The following SMOC1 variants were observed in gnomAD, a reference collection of about 807,000 sequenced individuals.
SMOC1 encodes the protein SPARC related modular calcium binding 1, also known as SPARC-related modular calcium-binding protein 1.
In SMOC1, 22 loss-of-function variants were observed where a neutral mutation model predicts 56.3. The observed-to-expected ratio is 0.39, with a 90% CI of 0.28 to 0.56. SMOC1 has a LOEUF of 0.56. Ranked by LOEUF, SMOC1 falls within the 20% of genes least tolerant of loss-of-function variation. The pLI is 0.61. For missense variants in SMOC1, 509 were observed against 565.4 expected (o/e 0.90, Z 1.01); for synonymous variants, 193 against 215.0 (o/e 0.90, Z 0.89).
chr14:70,029,235 C>T (rs1020762357), intron 11 of SMOC1, among the ~76,000 whole-genome samples: 1 of 152,230 alleles, frequency 6.6e-6, no homozygotes, highest in Non-Finnish European at 1.5e-5. Context: ...AATGGCTCAG[C>T]ACCCTGTGGG....
At chr14:69,999,472 G>A (rs971074454) in intron 7 of SMOC1, among the ~76,000 whole-genome samples, 14 of 152,348 alleles carry the variant, frequency 9.2e-5, no homozygotes, top group South Asian at 2.1e-4. Flanking sequence ...CGCACATGAC[G>A]TGATTGGGAG....
intron 7 of SMOC1, among the ~76,000 whole-genome samples, chr14:69,996,355 A>T (rs918939036): frequency 2.6e-5 from 4 of 152,218 alleles, no homozygotes; most frequent in Admixed American, 2.0e-4. Flanking sequence ...CATCTTGCAG[A>T]TGAAGAGTCA....
intron 1 of SMOC1, among the ~76,000 whole-genome samples, chr14:69,895,772 G>A (rs914593967): frequency 2.0e-5 from 3 of 151,952 alleles, no homozygotes; most frequent in Non-Finnish European, 4.4e-5. Flanking sequence ...CCCCCATCAA[G>A]GTAGAGCCTT....
intron 10 of SMOC1, among the ~76,000 whole-genome samples, chr14:70,015,032 C>G (rs1308812964): frequency 6.6e-6 from 1 of 152,078 alleles, no homozygotes; most frequent in Non-Finnish European, 1.5e-5. Context: ...AGTGAGTGCA[C>G]ACAATAGCCA....
Position 70,023,292 on chromosome 14 carries a change from T to C in SMOC1, c.1136T>C (p.Ile379Thr). 1.9e-6 allele frequency: 3 copies of C among 1,614,076 alleles called. No individual in the cohort carries two copies. The South Asian group carries it at 3.3e-5, about 18-fold the overall frequency. The change falls in exon 11 of 12, where the codon ATT becomes ACT. Residue 379 changes from isoleucine to threonine, a missense_variant. By Grantham distance (89) the Ile-to-Thr change is moderately conservative. Around this residue, in one of 3 missense-constraint regions of SMOC1, gnomAD observed 176 missense variants for 188.1 expected, o/e 0.94. Coordinates refer to ENST00000361956, the MANE Select transcript of SMOC1 (RefSeq NM_001034852.3). Reference protein sequence around the residue: ...SQLDSNSSNDINKREMKPFKR... With the variant: ...SQLDSNSSNDTNKREMKPFKR... ...CTGGACAGCAATAGCAGCAACGACATTAACAAGCGGGAGATGAAGCCCTTC... is the reference window on the plus strand; with the variant it reads ...CTGGACAGCAATAGCAGCAACGACACTAACAAGCGGGAGATGAAGCCCTTC...
chr14:69,943,684 C>T (rs113062456), intron 1 of SMOC1, among the ~76,000 whole-genome samples: 3 of 148,406 alleles, frequency 2.0e-5, no homozygotes, highest in Middle Eastern at 3.5e-3. Context: ...TTTCCCCCCC[C>T]TTTCAATAGC....
In SMOC1 at chr14:70,030,249, C is replaced by A; in HGVS notation, c.1299C>A (p.Arg433=). ...GCLGVSKEVG[R]LV is the part of the protein sequence containing the mutation. ...TCTCCTTCCTTCTCTCAGTAGGACG[C>A]CTCGTCTAAGGAGCAGAAAACCCAA... The change falls in exon 12 of 12, where the codon CGC becomes CGA. Residue 433 remains arginine, a synonymous_variant. Transcript: ENST00000361956. 1 of 1,612,070 alleles carries A rather than the reference C, an allele frequency of 6.2e-7. No individual in the cohort carries two copies. The highest frequency in any genetic ancestry group is 8.5e-7 in the Non-Finnish European group (1 of 1,179,724).
chr14:69,885,437 C>T (rs932233785), intron 1 of SMOC1: 68 of 1,601,254 alleles, frequency 4.2e-5, no homozygotes, highest in African/African-American at 9.4e-5. Flanking sequence ...ACCCCAGTGA[C>T]GGCGGATCTC....
chr14:69,981,090 G>A (rs546022767), intron 5 of SMOC1, among the ~76,000 whole-genome samples: 19 of 152,222 alleles, frequency 1.2e-4, no homozygotes, highest in South Asian at 6.2e-4. Context: ...GGCTGGGGGA[G>A]GAGGCCCAGA....
At chr14:69,957,780 G>A (rs1190405641) in intron 3 of SMOC1, among the ~76,000 whole-genome samples, 1 of 152,068 alleles carries the variant, frequency 6.6e-6, no homozygotes, top group Non-Finnish European at 1.5e-5. Context: ...TCCATCTCCT[G>A]CCCCCAAACT....
intron 11 of SMOC1, among the ~76,000 whole-genome samples, chr14:70,023,842 T>A (rs1885828807): frequency 6.6e-6 from 1 of 151,796 alleles, no homozygotes; most frequent in South Asian, 2.1e-4. Flanking sequence ...TGTGTGTGTG[T>A]GTGTGTGTGT....
chr14:69,933,667 A>G (rs965302652), intron 1 of SMOC1, among the ~76,000 whole-genome samples: 1 of 152,020 alleles, frequency 6.6e-6, no homozygotes, highest in African/African-American at 2.4e-5. Flanking sequence ...ACAGGTGCAC[A>G]CCACCACGCC....
chr14:69,992,336 CATT>C, intron 5 of SMOC1, 78 bp from the exon 6 acceptor site: 2 of 1,399,576 alleles, frequency 1.4e-6, no homozygotes, highest in Admixed American at 3.4e-5. Flanking sequence ...AAACCCCAAC[CATT>C]CAACAGTGCT....
chr14:69,944,036 C>G (rs1034867721), intron 1 of SMOC1, among the ~76,000 whole-genome samples: 1 of 152,196 alleles, frequency 6.6e-6, no homozygotes. Context: ...CCTTGCCCAG[C>G]CTCGGTTTTC....
At chr14:69,889,231 G>T (rs1883894162) in intron 1 of SMOC1, among the ~76,000 whole-genome samples, 1 of 152,148 alleles carries the variant, frequency 6.6e-6, no homozygotes. Context: ...CTAGACCTCA[G>T]CAGGGCTGAA....
At chr14:69,995,514 C>G (rs906843111) in intron 7 of SMOC1, among the ~76,000 whole-genome samples, 1 of 152,156 alleles carries the variant, frequency 6.6e-6, no homozygotes, top group African/African-American at 2.4e-5. Flanking sequence ...TTGGGTCAGT[C>G]TTTGACAGAA....
intron 3 of SMOC1, among the ~76,000 whole-genome samples, chr14:69,972,672 C>T (rs572924886): frequency 8.5e-5 from 13 of 152,302 alleles, no homozygotes; most frequent in African/African-American, 2.9e-4. Context: ...CATGTGCCCA[C>T]TGGGATACAA....
In SMOC1 at chr14:69,977,925, C is replaced by G; in HGVS notation, c.486C>G (p.Val162=). ...QNKTPVCSGS[V]TDKPLSQGNS... ...TTTCCCTTCTCACCCAAGGTTCAGT[C>G]ACCGACAAGCCCTTGAGCCAGGGTA... Residue 162 remains valine (V), a synonymous_variant, in exon 5 of 12, where the codon GTC becomes GTG. Transcript: ENST00000361956. The G allele has an allele frequency of 6.2e-7, 1 of 1,613,944 alleles. No individual in the cohort carries two copies. Among genetic ancestry groups the G allele is most frequent in the African/African-American group, 1.3e-5 (1 of 75,050 alleles).
chr14:69,899,990 T>C (rs920389856), intron 1 of SMOC1, among the ~76,000 whole-genome samples: 13 of 152,242 alleles, frequency 8.5e-5, no homozygotes, highest in African/African-American at 3.1e-4. Context: ...TTCAGCTTTT[T>C]ACTTGTTGTT....
Sources: gnomAD v4.1 joint callset for allele counts (sites outside exome capture counted in the v4.1 genomes callset) on GRCh38, gnomAD v4.1.1 for gene constraint, gnomAD v4.1.1 regional missense constraint, MANE v1.5 for transcripts, NCBI Gene and HGNC (gene_info 2026-07-23, HGNC 2026-07-21) for gene names.